PEX7: variants seen among roughly 807,000 people sequenced by gnomAD.
PEX7 encodes the protein PTS2 receptor.
In PEX7, 34 loss-of-function variants were observed where a neutral mutation model predicts 47.5. The ratio of observed to expected loss-of-function variants is 0.72; its 90% CI spans 0.54 to 0.95. PEX7 has a LOEUF of 0.95. PEX7 is among the 40% of genes least tolerant of loss of function. The pLI is 0.00. For missense variants in PEX7, 394 were observed against 400.3 expected (o/e 0.98, Z 0.13); for synonymous variants, 141 against 148.8 (o/e 0.95, Z 0.38).
chr6:136,911,143 C>T (rs551008511), intron 9 of PEX7, among the ~76,000 whole-genome samples: 64 of 152,192 alleles, frequency 4.2e-4, no homozygotes, highest in African/African-American at 1.5e-3. Flanking sequence ...TCTCCCCTAT[C>T]CCCACCCTTC....
chr6:136,870,120 TG>T, intron 7 of PEX7, 117 bp downstream of exon 7: 1 of 637,710 alleles, frequency 1.6e-6, no homozygotes, highest in East Asian at 3.0e-5. Context: ...CTTTTTTATA[TG>T]TGTTTTTGTT....
chr6:136,845,399 A>G (rs939114360), intron 3 of PEX7, among the ~76,000 whole-genome samples: 1 of 152,252 alleles, frequency 6.6e-6, no homozygotes, highest in Admixed American at 6.5e-5. Flanking sequence ...ATTCTGTGAA[A>G]GCAGAATGGA....
At chr6:136,831,193 CTTAAAA>C (rs879297637) in intron 3 of PEX7, among the ~76,000 whole-genome samples, 4 of 152,062 alleles carry the variant, frequency 2.6e-5, no homozygotes, top group Non-Finnish European at 5.9e-5. Flanking sequence ...CCTCAGGAAA[CTTAAAA>C]TTATGGCAGA....
rs1385256471 is a variant in PEX7 at position 136,872,110 on chromosome 6, TATA to T, written c.748-85_748-83del. ...CAGCTCTGACTCAACTTAAATTTAT[TATA>T]ATGTTTATGGAATGATCATAGAAAG... On this transcript the variant is annotated intron_variant, in intron 7 of 9. Coordinates refer to ENST00000318471, the MANE Select transcript of PEX7 (RefSeq NM_000288.4). 3.5e-6 allele frequency: 4 copies of T among 1,148,402 alleles called. No homozygotes were observed. In the East Asian group the frequency reaches 9.4e-5, roughly 27 times the overall value. The allele number at this position is 1,148,402 out of a possible 1,614,324, so 71.1% of individuals were successfully genotyped here. A position where few individuals can be genotyped will look rare whatever the true frequency, so the allele number is the denominator to read the frequency against.
intron 9 of PEX7, among the ~76,000 whole-genome samples, chr6:136,910,713 G>A (rs1208613655): frequency 2.6e-5 from 4 of 152,218 alleles, no homozygotes; most frequent in Non-Finnish European, 5.9e-5. Context: ...GGTTTCTCTT[G>A]TGTAATTTTC....
intron 5 of PEX7, among the ~76,000 whole-genome samples, chr6:136,847,598 G>C (rs2115174457): frequency 6.6e-6 from 1 of 151,916 alleles, no homozygotes; most frequent in East Asian, 1.9e-4. Context: ...TTATTAAATA[G>C]GGAATCCTTT....
chr6:136,860,605 C>T (rs575822916), intron 5 of PEX7, among the ~76,000 whole-genome samples: 2 of 149,582 alleles, frequency 1.3e-5, no homozygotes, highest in East Asian at 2.0e-4. Flanking sequence ...CAACATGGCA[C>T]ATGTATACAT....
chr6:136,865,807 G>A lies in PEX7; in HGVS notation c.527-820G>A, dbSNP rs574356456. On this transcript the variant is annotated intron_variant, in intron 5 of 9. Transcript: ENST00000318471. The stretch of plus-strand genomic sequence containing the variant: ...AAATATCAAAATAAATAAATAGGCC[G>A]GGCGCTGCGGCTCATGCCTGTAATC... Among the ~76,000 whole-genome samples, 135 of 151,868 alleles carry A rather than the reference G, an allele frequency of 8.9e-4. 1 individual carries two copies. Among genetic ancestry groups the A allele is most frequent in the African/African-American group, 2.8e-3 (117 of 41,442 alleles).
chr6:136,828,179 C>T (rs948254921), intron 3 of PEX7, among the ~76,000 whole-genome samples: 20 of 152,070 alleles, frequency 1.3e-4, no homozygotes, highest in African/African-American at 4.8e-4. Context: ...CAGTAATATT[C>T]ATGAAACAAT....
At chr6:136,874,820 G>A (rs950198201) in intron 8 of PEX7, among the ~76,000 whole-genome samples, 4 of 152,030 alleles carry the variant, frequency 2.6e-5, no homozygotes, top group South Asian at 2.1e-4. Context: ...TTCTTCAGCA[G>A]GCAGAATTTT....
At chr6:136,849,701 C>T (rs1774700804) in intron 5 of PEX7, among the ~76,000 whole-genome samples, 1 of 152,150 alleles carries the variant, frequency 6.6e-6, no homozygotes. Context: ...AGTTTGATTG[C>T]ACTGTGGTCC....
chr6:136,838,996 A>G (rs1334566856), intron 3 of PEX7, among the ~76,000 whole-genome samples: 1 of 152,144 alleles, frequency 6.6e-6, no homozygotes, highest in Non-Finnish European at 1.5e-5. Flanking sequence ...AGCCTGGGTA[A>G]CATGGTAAAA....
intron 8 of PEX7, among the ~76,000 whole-genome samples, chr6:136,895,190 A>G (rs1014891761): frequency 3.3e-5 from 5 of 152,208 alleles, no homozygotes; most frequent in Non-Finnish European, 7.3e-5. Context: ...AAGTATACTC[A>G]TTAAACTGTT....
chr6:136,860,292 A>T (rs1214946244), intron 5 of PEX7, among the ~76,000 whole-genome samples: 1 of 152,180 alleles, frequency 6.6e-6, no homozygotes, highest in Non-Finnish European at 1.5e-5. Context: ...TGAAGTGCCA[A>T]ATGGTTACAT....
intron 3 of PEX7, among the ~76,000 whole-genome samples, chr6:136,842,926 T>G (rs1774527867): frequency 6.6e-6 from 1 of 152,082 alleles, no homozygotes; most frequent in African/African-American, 2.4e-5. Flanking sequence ...AATTCACAAG[T>G]GGAGAGGGGC....
chr6:136,901,931 A>G (rs1427515540), intron 9 of PEX7, among the ~76,000 whole-genome samples: 4 of 152,096 alleles, frequency 2.6e-5, no homozygotes, highest in African/African-American at 9.7e-5. Flanking sequence ...GATTACAGGC[A>G]TGTGCCACCA....
At chr6:136,899,415 T>A (rs1775714319) in intron 9 of PEX7, among the ~76,000 whole-genome samples, 1 of 152,178 alleles carries the variant, frequency 6.6e-6, no homozygotes, top group South Asian at 2.1e-4. Context: ...GCTTATTTTT[T>A]GTATTTTTAG....
intron 3 of PEX7, among the ~76,000 whole-genome samples, chr6:136,829,025 G>A (rs556545832): frequency 6.6e-6 from 1 of 152,306 alleles, no homozygotes; most frequent in South Asian, 2.1e-4. Flanking sequence ...TTTTTGGTAA[G>A]CGTTTGTATC....
At position 136,880,327 on chromosome 6, in the gene PEX7, C is replaced by CT. The variant is rs796509354; in HGVS notation, c.803+8075dup. On this transcript the variant is annotated intron_variant, in intron 8 of 9. Coordinates refer to ENST00000318471, the MANE Select transcript of PEX7 (RefSeq NM_000288.4). ...TAAACTATCAACTTTCTAAGATCAC[C>CT]TCCCTGTATCCAGTGTACTTTAAAA... Among the ~76,000 whole-genome samples the CT allele has an allele frequency of 6.6e-5, 10 of 152,244 alleles. 1 individual carries two copies. Among genetic ancestry groups the CT allele is most frequent in the African/African-American group, 1.9e-4 (8 of 41,552 alleles).
Sources: allele counts gnomAD v4.1 joint callset (sites outside exome capture counted in the v4.1 genomes callset), GRCh38; gene constraint gnomAD v4.1.1; transcripts MANE v1.5; gene names NCBI Gene and HGNC (gene_info 2026-07-23, HGNC 2026-07-21).